SLC37A1: variants seen among roughly 807,000 people sequenced by gnomAD.
The protein encoded by SLC37A1 is glucose-6-phosphate exchanger SLC37A1.
A neutral mutation model predicts 75.3 loss-of-function variants in SLC37A1; 49 were observed. The observed-to-expected ratio is 0.65, with a 90% confidence interval of 0.52 to 0.83. The LOEUF (loss-of-function observed/expected upper bound fraction) is 0.83. Among genes scored for constraint, SLC37A1 ranks in the 40% least tolerant of loss-of-function variants. The probability of loss-of-function intolerance (pLI) is 0.00; values close to 1 mark genes in which losing one functional copy is unlikely to be tolerated. For synonymous variants in SLC37A1, 268 were observed against 292.1 expected (o/e 0.92, Z 0.84); for missense variants, 566 against 695.0 (o/e 0.81, Z 2.09).
rs1183635077 is a variant in SLC37A1 at position 42,564,754 on chromosome 21, C to T, written c.1182C>T (p.Ala394=). 2.4e-5 allele frequency: 38 copies of T among 1,609,314 alleles called. No individual in the cohort carries two copies. The highest frequency in any genetic ancestry group is 3.1e-5 in the Non-Finnish European group (36 of 1,179,996). ...TCTCAGACCGACTGGAGAAAAGGGC[C>T]TCCACCTGCGGCCTGATGCTGCTGC... ...GVISDRLEKR[A]STCGLMLLLA... The change falls in exon 14 of 20, where the codon GCC becomes GCT. Residue 394 remains alanine (A), a synonymous_variant. Coordinates refer to ENST00000352133, the MANE Select transcript of SLC37A1 (RefSeq NM_001320537.2).
chr21:42,521,852 G>A (rs2054658258), intron 2 of SLC37A1, among the ~76,000 whole-genome samples: 1 of 152,200 alleles, frequency 6.6e-6, no homozygotes, highest in Admixed American at 6.5e-5. Flanking sequence ...TTAGCCTCCT[G>A]GGGCTGCTGT....
rs112464256 is a variant in SLC37A1, at chr21:42,562,718, G to A, written c.1072+550G>A. On this transcript the variant is annotated intron_variant, in intron 12 of 19. Coordinates refer to ENST00000352133, the MANE Select transcript of SLC37A1 (RefSeq NM_001320537.2). Reference sequence around the variant, plus strand: ...TGTGAACACAGGACAGACAAGAGGAGATGAACAGTGCTTAAGGGAAGGAGC... The same window carrying A: ...TGTGAACACAGGACAGACAAGAGGAAATGAACAGTGCTTAAGGGAAGGAGC... Among the ~76,000 whole-genome samples, 1,199 of 152,238 alleles carry A rather than the reference G, an allele frequency of 7.9e-3. 18 individuals carry two copies. Among genetic ancestry groups the A allele is most frequent in the African/African-American group, 0.028 (1,146 of 41,524 alleles).
At chr21:42,578,104 C>T (rs1044127702) in intron 18 of SLC37A1, among the ~76,000 whole-genome samples, 2 of 152,196 alleles carry the variant, frequency 1.3e-5, no homozygotes, top group African/African-American at 4.8e-5. Flanking sequence ...AGTGTTTCCT[C>T]CCGAGTCTGG....
intron 17 of SLC37A1, among the ~76,000 whole-genome samples, chr21:42,570,335 G>GTCATGCGACACACGGCCTGGTT (rs2056126124): frequency 6.6e-6 from 1 of 151,968 alleles, no homozygotes; most frequent in Non-Finnish European, 1.5e-5. Context: ...GGTGGCTGTT[G>GTCATGCGACACACGGCCTGGTT]CTCAGAAAGC....
At chr21:42,524,704 G>A (rs2054735931) in intron 2 of SLC37A1, among the ~76,000 whole-genome samples, 1 of 152,208 alleles carries the variant, frequency 6.6e-6, no homozygotes, top group Non-Finnish European at 1.5e-5. Context: ...TGCATCTCGA[G>A]TCCCAGGTTT....
intron 2 of SLC37A1, among the ~76,000 whole-genome samples, chr21:42,508,395 C>T (rs1454628618): frequency 6.6e-6 from 1 of 152,182 alleles, no homozygotes; most frequent in Non-Finnish European, 1.5e-5. Context: ...TCCCAGAGTG[C>T]TGGGATTACA....
chr21:42,505,568 G>A (rs1476877881), intron 2 of SLC37A1, among the ~76,000 whole-genome samples: 1 of 152,128 alleles, frequency 6.6e-6, no homozygotes, highest in African/African-American at 2.4e-5. Context: ...TGGAAGGCTG[G>A]AGAGGCATGA....
chr21:42,540,213 G>A (rs895559416), intron 6 of SLC37A1, among the ~76,000 whole-genome samples: 2 of 152,228 alleles, frequency 1.3e-5, no homozygotes, highest in Non-Finnish European at 2.9e-5. Flanking sequence ...GGGACAGGGC[G>A]TTCCACCTAG....
In SLC37A1 at chr21:42,547,587, T is replaced by C. The variant is rs1393420961; in HGVS notation, c.768+447T>C. 1 of 165,160 alleles carries C rather than the reference T, an allele frequency of 6.1e-6. No homozygotes were observed. Among genetic ancestry groups the C allele is most frequent in the Admixed American group, 6.2e-5 (1 of 16,072 alleles). 10.2% of individuals were successfully genotyped at this position (165,160 alleles called of 1,614,324 possible). On this transcript the variant is annotated intron_variant, in intron 9 of 19. Coordinates refer to ENST00000352133, the MANE Select transcript of SLC37A1 (RefSeq NM_001320537.2). The surrounding 1 kb of genome is among the most constrained non-coding windows in gnomAD (Gnocchi z 6.1). Reference sequence around the variant, plus strand: ...GTACCCCTGCCCAGCTCAGCCAGCGTAGGCCCTGCAGGCAGGATTGCTGAC... The same window carrying C: ...GTACCCCTGCCCAGCTCAGCCAGCGCAGGCCCTGCAGGCAGGATTGCTGAC...
chr21:42,569,471 TCCC>T (rs1286122324), intron 17 of SLC37A1, among the ~76,000 whole-genome samples: 4 of 150,878 alleles, frequency 2.7e-5, no homozygotes, highest in Non-Finnish European at 4.4e-5. Flanking sequence ...CCTGGGAAGG[TCCC>T]CACAGGTGAC....
Position 42,552,431 on chromosome 21 carries a change from T to C in SLC37A1, c.769-1631T>C, listed in dbSNP as rs766907766. Among the ~76,000 whole-genome samples the C allele has an allele frequency of 3.3e-5, 5 of 152,348 alleles. No homozygotes were observed. The highest frequency in any genetic ancestry group is 7.3e-5 in the Non-Finnish European group (5 of 68,038). On this transcript the variant is annotated intron_variant, in intron 9 of 19. Transcript: ENST00000352133. This position sits in a 1 kb window ranked among gnomAD's most constrained non-coding sequence, Gnocchi z 4.2. ...AGCCAGCCCAGGATGATGTGGGGTG[T>C]GCGTGTTGAGTGTCAGGGACACAGA...
chr21:42,547,562 G>A lies in SLC37A1; in HGVS notation c.768+422G>A, dbSNP rs1458353180. On this transcript the variant is annotated intron_variant, in intron 9 of 19. Coordinates refer to ENST00000352133, the MANE Select transcript of SLC37A1 (RefSeq NM_001320537.2). The surrounding 1 kb of genome is among the most constrained non-coding windows in gnomAD (Gnocchi z 6.1). ...CCCAGCACGCCATTCCTTCTCTTCT[G>A]TACCCCTGCCCAGCTCAGCCAGCGT... is the stretch of plus-strand genomic sequence containing the variant. 1.7e-5 allele frequency: 3 copies of A among 180,462 alleles called. No individual in the cohort carries two copies. The highest frequency in any genetic ancestry group is 3.5e-5 in the Non-Finnish European group (3 of 85,872). The allele number at this position is 180,462 out of a possible 1,614,324, so 11.2% of individuals were successfully genotyped here. A position where few individuals can be genotyped will look rare whatever the true frequency, so the allele number is the denominator to read the frequency against.
At chr21:42,515,769 A>T (rs553043652) in intron 1 of SLC37A1, among the ~76,000 whole-genome samples, 1 of 151,986 alleles carries the variant, frequency 6.6e-6, no homozygotes, top group South Asian at 2.1e-4. Flanking sequence ...ATCTTTTTAT[A>T]TTTTTTTAAG....
chr21:42,507,526 G>T (rs2054395118), intron 2 of SLC37A1, among the ~76,000 whole-genome samples: 1 of 152,222 alleles, frequency 6.6e-6, no homozygotes, highest in South Asian at 2.1e-4. Flanking sequence ...GAGTACTAAA[G>T]TGTGTGTCTT....
Position 42,565,083 on chromosome 21 carries a change from A to T in SLC37A1, c.1221+290A>T, listed in dbSNP as rs60080894. 9.2e-3 allele frequency among the ~76,000 whole-genome samples: 1,395 copies of T among 152,286 alleles called. 26 individuals are homozygous for T. Among genetic ancestry groups the T allele is most frequent in the East Asian group, 0.016 (83 of 5,186 alleles). ...GACAAGCTCCTGCCCATCCTTTGGG[A>T]TCCGCAACACCTCCCCAACCTCTTA... On this transcript the variant is annotated intron_variant, in intron 14 of 19. Coordinates refer to ENST00000352133, the MANE Select transcript of SLC37A1 (RefSeq NM_001320537.2).
chr21:42,499,821 A>C (rs1050094361), intron 1 of SLC37A1: 1 of 152,308 alleles, frequency 6.6e-6, no homozygotes, highest in Admixed American at 6.5e-5. Flanking sequence ...CCCTTCAAAA[A>C]GAAGAAAAAC....
intron 3 of SLC37A1, among the ~76,000 whole-genome samples, chr21:42,527,718 C>T (rs555426890): frequency 1.2e-4 from 18 of 152,256 alleles, no homozygotes; most frequent in African/African-American, 3.4e-4. Context: ...AGGGTTTGTC[C>T]GGGTTTAATT....
intron 6 of SLC37A1, 91 bp downstream of exon 6, chr21:42,539,738 T>C (rs1050166649): frequency 7.4e-6 from 10 of 1,356,312 alleles, no homozygotes; most frequent in Admixed American, 4.9e-5. Context: ...GTCAAGGTGT[T>C]GGGAAGGGGC....
chr21:42,546,968 A>G (rs1200346677), intron 8 of SLC37A1, 135 bp from the exon 9 acceptor site: 1 of 1,030,726 alleles, frequency 9.7e-7, no homozygotes, highest in African/African-American at 1.6e-5. Flanking sequence ...AAATCCACTC[A>G]TTTAATGTGA....
Sources: gnomAD v4.1 joint callset for allele counts (sites outside exome capture counted in the v4.1 genomes callset) on GRCh38, gnomAD v4.1.1 for gene constraint, Gnocchi (gnomAD v3.1) non-coding constraint, MANE v1.5 for transcripts, NCBI Gene and HGNC (gene_info 2026-07-23, HGNC 2026-07-21) for gene names.